The following SRD5A2 variants were observed in gnomAD, a reference collection of about 807,000 sequenced individuals.
SRD5A2 encodes steroid 5 alpha-reductase 2, also known as 3-oxo-5-alpha-steroid 4-dehydrogenase 2.
A neutral mutation model predicts 27.4 loss-of-function variants in SRD5A2; 30 were observed. The observed-to-expected ratio is 1.10, with a 90% CI of 0.82 to 1.49. SRD5A2 has a LOEUF of 1.49. Among genes scored for constraint, SRD5A2 ranks in the 40% most tolerant of loss-of-function variants. The pLI is 0.00. For missense variants in SRD5A2, 348 were observed against 323.4 expected, an observed-to-expected ratio of 1.08 and a Z score of -0.58; for synonymous variants, 141 against 133.6, an observed-to-expected ratio of 1.06 and a Z score of -0.38.
At chr2:31,646,454 GA>G in the SRD5A2 span, among the ~76,000 whole-genome samples, 2 of 152,028 alleles carry the variant, frequency 1.3e-5, no homozygotes, top group Non-Finnish European at 1.5e-5. Context: ...CCTATTTCAG[GA>G]AAAATGAAGG....
the SRD5A2 span, among the ~76,000 whole-genome samples, chr2:31,613,053 C>T: frequency 3.3e-5 from 5 of 152,114 alleles, no homozygotes; most frequent in Non-Finnish European, 5.9e-5. Context: ...AGGCTTAAAA[C>T]TGTAAAGCTA....
the SRD5A2 span, among the ~76,000 whole-genome samples, chr2:31,594,532 T>C: frequency 1.3e-5 from 2 of 152,134 alleles, no homozygotes; most frequent in Non-Finnish European, 2.9e-5. Context: ...CACCTAACAC[T>C]GGAGTTCCCA....
At chr2:31,552,081 T>G (rs1014028549) in intron 1 of SRD5A2, among the ~76,000 whole-genome samples, 1 of 151,632 alleles carries the variant, frequency 6.6e-6, no homozygotes, top group African/African-American at 2.4e-5. Flanking sequence ...CTTTTGCACT[T>G]CAGGGGAGTG....
chr2:31,531,539 A>G lies in SRD5A2; in HGVS notation c.446-67T>C. The stretch of plus-strand genomic sequence containing the variant: ...GTCCAGATTGTGGTGCTTTTTTCAC[A>G]AACTAAGCTAAAATGAAAGGAGGGG... On this transcript the variant is annotated intron_variant, in intron 2 of 4. Coordinates refer to ENST00000622030, the MANE Select transcript of SRD5A2 (RefSeq NM_000348.4). 5 of 866,574 alleles carry G rather than the reference A, an allele frequency of 5.8e-6. No homozygotes were observed. The South Asian group carries it at 6.5e-5, about 11-fold the overall frequency. The allele number at this position is 866,574 out of a possible 1,614,324, so 53.7% of individuals were successfully genotyped here.
intron 1 of SRD5A2, among the ~76,000 whole-genome samples, chr2:31,574,640 A>G (rs1184720172): frequency 2.6e-5 from 4 of 152,248 alleles, no homozygotes; most frequent in Non-Finnish European, 5.9e-5. Flanking sequence ...AAAAGTTCAA[A>G]TAAAAACTTA....
chr2:31,582,237 C>T (rs934342501), upstream of SRD5A2, among the ~76,000 whole-genome samples: 1 of 152,156 alleles, frequency 6.6e-6, no homozygotes, highest in African/African-American at 2.4e-5. Context: ...CTCCCAGGAG[C>T]CCCATTCAGT....
intron 1 of SRD5A2, among the ~76,000 whole-genome samples, chr2:31,554,816 G>C (rs901119965): frequency 1.3e-5 from 2 of 152,118 alleles, no homozygotes; most frequent in Admixed American, 6.5e-5. Context: ...TGAAAAATAT[G>C]TAGGGACAGA....
At chr2:31,574,805 T>G (rs886676728) in intron 1 of SRD5A2, among the ~76,000 whole-genome samples, 1 of 152,252 alleles carries the variant, frequency 6.6e-6, no homozygotes, top group South Asian at 2.1e-4. Flanking sequence ...ACGCCATTCA[T>G]AGTTTTCTTT....
chr2:31,559,247 T>A (rs1666564876), intron 1 of SRD5A2, among the ~76,000 whole-genome samples: 1 of 152,226 alleles, frequency 6.6e-6, no homozygotes, highest in African/African-American at 2.4e-5. Context: ...ATGGAATGTT[T>A]TCTTGCAAGT....
At chr2:31,568,590 G>A (rs2148095625) in intron 1 of SRD5A2, among the ~76,000 whole-genome samples, 1 of 152,228 alleles carries the variant, frequency 6.6e-6, no homozygotes, top group African/African-American at 2.4e-5. Context: ...TGTCACTCTG[G>A]GCCACTGACT....
At chr2:31,554,261 G>T (rs1185748085) in intron 1 of SRD5A2, among the ~76,000 whole-genome samples, 2 of 152,106 alleles carry the variant, frequency 1.3e-5, no homozygotes, top group Non-Finnish European at 2.9e-5. Flanking sequence ...GAAGATTGAA[G>T]ATAAACACTA....
chr2:31,608,937 T>C, the SRD5A2 span, among the ~76,000 whole-genome samples: 2 of 152,034 alleles, frequency 1.3e-5, no homozygotes, highest in East Asian at 1.9e-4. Flanking sequence ...TAGGAGGTAA[T>C]TAAGGTTAAG....
chr2:31,599,803 A>G, the SRD5A2 span, among the ~76,000 whole-genome samples: 1 of 152,000 alleles, frequency 6.6e-6, no homozygotes, highest in African/African-American at 2.4e-5. Context: ...GCTGAAATAA[A>G]TGAAATGAAG....
chr2:31,614,432 G>A, the SRD5A2 span, among the ~76,000 whole-genome samples: 1 of 152,194 alleles, frequency 6.6e-6, no homozygotes, highest in East Asian at 1.9e-4. Context: ...GGGCAGCTCT[G>A]CCCCTGTGGC....
At position 31,555,763 on chromosome 2, in the gene SRD5A2, A is replaced by G. The variant is rs541759558; in HGVS notation, c.282-21997T>C. On this transcript the variant is annotated intron_variant, in intron 1 of 4. Coordinates refer to ENST00000622030, the MANE Select transcript of SRD5A2 (RefSeq NM_000348.4). ...GACAGAAAACATGTCCTGATAATGT[A>G]GCATCACCCTGTTCTCTTTTAAAAT... Among the ~76,000 whole-genome samples, 102 of 152,292 alleles carry G rather than the reference A, an allele frequency of 6.7e-4. 2 individuals are homozygous for G. Among genetic ancestry groups the G allele is most frequent in the Non-Finnish European group, 9.6e-4 (65 of 68,014 alleles).
At chr2:31,645,662 G>A in the SRD5A2 span, among the ~76,000 whole-genome samples, 1 of 152,094 alleles carries the variant, frequency 6.6e-6, no homozygotes, top group African/African-American at 2.4e-5. Context: ...GTTCTAGGGA[G>A]GATTTAATGG....
At chr2:31,645,239 T>C in the SRD5A2 span, among the ~76,000 whole-genome samples, 1 of 152,152 alleles carries the variant, frequency 6.6e-6, no homozygotes, top group Non-Finnish European at 1.5e-5. Context: ...GAATAAGACC[T>C]ACTGTTTGAT....
At chr2:31,610,970 C>A in the SRD5A2 span, among the ~76,000 whole-genome samples, 4 of 151,874 alleles carry the variant, frequency 2.6e-5, no homozygotes, top group Admixed American at 1.3e-4. Flanking sequence ...TTAGCCAGGC[C>A]TGGTGGCGAG....
intron 1 of SRD5A2, among the ~76,000 whole-genome samples, chr2:31,541,512 G>T (rs1245098432): frequency 6.6e-6 from 1 of 152,144 alleles, no homozygotes; most frequent in Non-Finnish European, 1.5e-5. Flanking sequence ...AAGAGGGAGG[G>T]TGGAGCAAGA....
Sources: gnomAD v4.1 joint callset for allele counts (sites outside exome capture counted in the v4.1 genomes callset) on GRCh38, gnomAD v4.1.1 for gene constraint, MANE v1.5 for transcripts, NCBI Gene and HGNC (gene_info 2026-07-23, HGNC 2026-07-21) for gene names.